Variants in ASRGL1 observed in about 807,000 individuals in gnomAD.
ASRGL1 encodes isoaspartyl peptidase/L-asparaginase.
In ASRGL1, 16 loss-of-function variants were observed where a neutral mutation model predicts 22.4. The ratio of observed to expected loss-of-function variants is 0.71; its 90% confidence interval spans 0.48 to 1.08. The LOEUF is 1.08. Ranked by LOEUF, ASRGL1 falls within the 50% of genes least tolerant of loss-of-function variation. The pLI is 0.00. For synonymous variants in ASRGL1, 165 were observed against 159.3 expected (o/e 1.04, Z -0.27); for missense variants, 412 against 410.1 (o/e 1.00, Z -0.04).
At chr11:62,388,577 G>A (rs1414251487) in intron 4 of ASRGL1, among the ~76,000 whole-genome samples, 1 of 151,528 alleles carries the variant, frequency 6.6e-6, no homozygotes, top group East Asian at 1.9e-4. Context: ...GGCTGAGGCA[G>A]GAGAATCACT....
chr11:62,391,706 T>C, intron 6 of ASRGL1, 74 bp downstream of exon 6: 2 of 1,480,946 alleles, frequency 1.4e-6, no homozygotes, highest in Non-Finnish European at 1.8e-6. Context: ...AGTAAGCGCA[T>C]GGAGAAGTGT....
At chr11:62,380,592 A>G (rs1482276909) in intron 4 of ASRGL1, among the ~76,000 whole-genome samples, 1 of 152,150 alleles carries the variant, frequency 6.6e-6, no homozygotes, top group African/African-American at 2.4e-5. Context: ...CTTGTGCCCC[A>G]TCAATCCACC....
intron 2 of ASRGL1, among the ~76,000 whole-genome samples, chr11:62,350,267 A>G (rs912024015): frequency 2.6e-5 from 4 of 152,106 alleles, no homozygotes; most frequent in Non-Finnish European, 5.9e-5. Context: ...TGCCCATATC[A>G]TTTATTTCTT....
At chr11:62,386,893 ATT>A (rs34472338) in intron 4 of ASRGL1, among the ~76,000 whole-genome samples, 39,967 of 143,724 alleles carry the variant, frequency 0.28, 5,438 homozygotes, top group South Asian at 0.36. Context: ...GGAAAGAATG[ATT>A]TTTTTTTTTT....
the ASRGL1 span, among the ~76,000 whole-genome samples, chr11:62,398,985 A>G: frequency 6.6e-6 from 1 of 152,232 alleles, no homozygotes; most frequent in Non-Finnish European, 1.5e-5. Context: ...CCTGGCCAAC[A>G]TGGTGAAACC....
In ASRGL1 at chr11:62,392,238, A is replaced by T; in HGVS notation, c.881A>T (p.His294Leu). The T allele has an allele frequency of 6.2e-7, 1 of 1,614,192 alleles. No individual in the cohort carries two copies. ...GCAGCCGCCAAGGACGGCAAGCTGC[A>T]CTTCGGAATTGATCCTGACGATACT... is the stretch of plus-strand genomic sequence containing the variant. ...PWAAAKDGKL[H>L]FGIDPDDTTI... is the part of the protein sequence containing the mutation. Residue 294 changes from histidine to leucine, a missense_variant, in exon 7 of 7, where the codon CAC (histidine) becomes CTC (leucine). His to Leu is a moderately conservative substitution (Grantham distance 99). Transcript: ENST00000415229.
Position 62,343,730 on chromosome 11 carries a change from CAA to C in ASRGL1, c.190+5583_190+5584del, listed in dbSNP as rs71053038. On this transcript the variant is annotated intron_variant, in intron 2 of 6. Transcript: ENST00000415229. Reference sequence around the variant, plus strand: ...GCAACAAAGCAAGACTCCAGCTCCACAAAAAAAAAAAAAAAAAAAAAGTTCCA... The same window carrying C: ...GCAACAAAGCAAGACTCCAGCTCCACAAAAAAAAAAAAAAAAAAAGTTCCA... Among the ~76,000 whole-genome samples, 570 of 68,932 alleles carry C rather than the reference CAA, an allele frequency of 8.3e-3. 3 individuals carry two copies. Among genetic ancestry groups the C allele is most frequent in the African/African-American group, 0.035 (500 of 14,296 alleles). The allele number at this position is 68,932 out of a possible 152,430, so 45.2% of individuals were successfully genotyped here. A position where few individuals can be genotyped will look rare whatever the true frequency, so the allele number is the denominator to read the frequency against.
intron 4 of ASRGL1, among the ~76,000 whole-genome samples, chr11:62,384,129 A>T (rs1188388261): frequency 6.7e-6 from 1 of 149,396 alleles, no homozygotes; most frequent in African/African-American, 2.5e-5. Flanking sequence ...TTAAGTCATC[A>T]TTGGTAGTTT....
At chr11:62,373,187 ACTC>A in intron 4 of ASRGL1, 1 of 1,001,918 alleles carries the variant, frequency 1.0e-6, no homozygotes. Flanking sequence ...GCTCCCAGAG[ACTC>A]CTCCGACTCC....
intron 4 of ASRGL1, among the ~76,000 whole-genome samples, chr11:62,376,635 A>G (rs1214647238): frequency 6.6e-6 from 1 of 152,158 alleles, no homozygotes; most frequent in African/African-American, 2.4e-5. Flanking sequence ...GAGGAGTGGT[A>G]CACTCCTTAC....
At chr11:62,392,026 A>G (rs1947351563) in intron 6 of ASRGL1, 53 bp from the exon 7 acceptor site, 1 of 1,586,528 alleles carries the variant, frequency 6.3e-7, no homozygotes, top group Non-Finnish European at 8.7e-7. Context: ...TGATTTTCCC[A>G]TGAGATTCCT....
chr11:62,387,262 A>G (rs1947238846), intron 4 of ASRGL1, among the ~76,000 whole-genome samples: 1 of 152,144 alleles, frequency 6.6e-6, no homozygotes, highest in African/African-American at 2.4e-5. Context: ...CAAACTGCCC[A>G]GCGTCCTCCC....
intron 2 of ASRGL1, among the ~76,000 whole-genome samples, chr11:62,343,113 C>T (rs569207031): frequency 5.3e-4 from 80 of 152,104 alleles, no homozygotes; most frequent in African/African-American, 1.9e-3. Context: ...CGCGGTGGCT[C>T]ACTCCTATAA....
downstream of ASRGL1, among the ~76,000 whole-genome samples, chr11:62,397,344 G>A (rs1947442912): frequency 1.3e-5 from 2 of 150,600 alleles, no homozygotes; most frequent in Non-Finnish European, 3.0e-5. Context: ...AATGAAAAAT[G>A]TAAAGCACAT....
At position 62,383,602 on chromosome 11, in the gene ASRGL1, C is replaced by CAAAA. The variant is rs35096038; in HGVS notation, c.492-5508_492-5505dup. 5.9e-4 allele frequency among the ~76,000 whole-genome samples: 13 copies of CAAAA among 21,932 alleles called. 1 individual carries two copies. Among genetic ancestry groups the CAAAA allele is most frequent in the African/African-American group, 2.7e-3 (13 of 4,744 alleles). The allele number at this position is 21,932 out of a possible 152,430, so 14.4% of individuals were successfully genotyped here. ...TGGGCGACAGAGCGAGACTCCTACT[C>CAAAA]AAAAAAAAAAAAAAAAAAAAAAAAA... On this transcript the variant is annotated intron_variant, in intron 4 of 6. Coordinates refer to ENST00000415229, the MANE Select transcript of ASRGL1 (RefSeq NM_001083926.2).
intron 4 of ASRGL1, among the ~76,000 whole-genome samples, chr11:62,368,422 A>T (rs1158579018): frequency 6.6e-6 from 1 of 152,138 alleles, no homozygotes; most frequent in Non-Finnish European, 1.5e-5. Context: ...ATGGACAGAT[A>T]CACAGGTGTA....
chr11:62,360,917 T>C (rs981897746), intron 4 of ASRGL1, among the ~76,000 whole-genome samples: 14 of 152,312 alleles, frequency 9.2e-5, no homozygotes, highest in African/African-American at 3.4e-4. Flanking sequence ...AATAATACAA[T>C]GTATCCAATA....
chr11:62,362,884 G>T (rs1410022831), intron 4 of ASRGL1, among the ~76,000 whole-genome samples: 1 of 88,588 alleles, frequency 1.1e-5, no homozygotes, highest in African/African-American at 4.9e-5. Flanking sequence ...CACCTTTAAA[G>T]GATTTAATTT....
chr11:62,374,219 C>G (rs184485201), intron 4 of ASRGL1, among the ~76,000 whole-genome samples: 1,683 of 152,306 alleles, frequency 0.011, 112 homozygotes, highest in Admixed American at 0.1. Flanking sequence ...GTTGGGATTA[C>G]CAAAGAGTCC....
Sources: gnomAD v4.1 joint callset for allele counts (sites outside exome capture counted in the v4.1 genomes callset) on GRCh38, gnomAD v4.1.1 for gene constraint, MANE v1.5 for transcripts, NCBI Gene and HGNC (gene_info 2026-07-23, HGNC 2026-07-21) for gene names.